ROBO2: variants seen among roughly 807,000 people sequenced by gnomAD.
ROBO2 encodes the protein roundabout guidance receptor 2.
In ROBO2, 53 loss-of-function variants were observed where a neutral mutation model predicts 160.8. The observed-to-expected ratio is 0.33, with a 90% CI of 0.26 to 0.41. The LOEUF (loss-of-function observed/expected upper bound fraction) is 0.41, where lower values mean the gene tolerates loss of function less well. Ranked by LOEUF, ROBO2 falls within the 10% of genes least tolerant of loss-of-function variation. The probability of loss-of-function intolerance (pLI) is 1.00; values close to 1 mark genes in which losing one functional copy is unlikely to be tolerated. For missense variants in ROBO2, 1,577 were observed against 1,722.4 expected (o/e 0.92, Z 1.49); for synonymous variants, 664 against 611.7 (o/e 1.09, Z -1.26).
chr3:76,345,440 T>TC lies in ROBO2; in HGVS notation c.109+407839dup, dbSNP rs2074470781. Among the ~76,000 whole-genome samples the TC allele has an allele frequency of 3.1e-4, 28 of 89,970 alleles. No homozygotes were observed. The South Asian group carries it at 0.014, about 45-fold the overall frequency. The allele number at this position is 89,970 out of a possible 152,430, so 59.0% of individuals were successfully genotyped here. A position where few individuals can be genotyped will look rare whatever the true frequency, so the allele number is the denominator to read the frequency against. On this transcript the variant is annotated intron_variant, in intron 2 of 26. Coordinates refer to the ROBO2 transcript ENST00000487694. ...GGCAGGATATCTTTTTTCTTTTCTT[T>TC]CTTTTTTTTTTTTTTTTTTAAGCAC...
At chr3:76,164,966 T>G (rs573921747) in intron 2 of ROBO2, among the ~76,000 whole-genome samples, 1 of 152,276 alleles carries the variant, frequency 6.6e-6, no homozygotes, top group Non-Finnish European at 1.5e-5. Flanking sequence ...CTGGGCTGTG[T>G]ACTCACGGAG....
chr3:76,508,666 A>G (rs185908945), intron 2 of ROBO2, among the ~76,000 whole-genome samples: 4 of 152,314 alleles, frequency 2.6e-5, no homozygotes, highest in African/African-American at 9.6e-5. Flanking sequence ...TTCTTATGCA[A>G]TAAGTTGCTG....
At chr3:76,545,045 G>A (rs1001314548) in intron 2 of ROBO2, among the ~76,000 whole-genome samples, 9 of 151,846 alleles carry the variant, frequency 5.9e-5, no homozygotes, top group South Asian at 4.1e-4. Context: ...ACAATCAAAC[G>A]AACTGGATTT....
At chr3:77,493,170 CT>C in intron 4 of ROBO2, 73 bp from the exon 5 acceptor site, 3 of 1,538,206 alleles carry the variant, frequency 2.0e-6, no homozygotes, top group Non-Finnish European at 2.7e-6. Flanking sequence ...GTTTCCTTTG[CT>C]TTTTTCATAA....
At chr3:76,085,839 A>G (rs2108059375) in intron 2 of ROBO2, among the ~76,000 whole-genome samples, 1 of 152,210 alleles carries the variant, frequency 6.6e-6, no homozygotes, top group East Asian at 1.9e-4. Flanking sequence ...GGGCCCCCAC[A>G]CTTTTGTGCA....
At chr3:76,038,796 ATG>A (rs111997787) in intron 2 of ROBO2, among the ~76,000 whole-genome samples, 76,624 of 149,518 alleles carry the variant, frequency 0.51, 21,830 homozygotes, top group African/African-American at 0.78. Flanking sequence ...GTGTGTATGT[ATG>A]TGTGTGTGTG....
chr3:77,570,699 C>A (rs2093616501), intron 13 of ROBO2, among the ~76,000 whole-genome samples: 1 of 151,842 alleles, frequency 6.6e-6, no homozygotes, highest in Admixed American at 6.6e-5. Flanking sequence ...TTGTGTAACT[C>A]TTTTATTGAT....
At chr3:75,993,610 C>G (rs116537681) in intron 2 of ROBO2, among the ~76,000 whole-genome samples, 2 of 152,006 alleles carry the variant, frequency 1.3e-5, no homozygotes, top group African/African-American at 4.8e-5. Context: ...TTTTTTAATT[C>G]GCAATTTTAG....
chr3:76,742,697 T>A (rs1198668164), intron 2 of ROBO2, among the ~76,000 whole-genome samples: 2 of 151,830 alleles, frequency 1.3e-5, no homozygotes, highest in African/African-American at 4.8e-5. Context: ...TATTATGCTA[T>A]TTTTTTTCTG....
At chr3:77,336,549 A>T (rs562993852) in intron 2 of ROBO2, among the ~76,000 whole-genome samples, 1 of 149,840 alleles carries the variant, frequency 6.7e-6, no homozygotes, top group East Asian at 2.0e-4. Flanking sequence ...ATGAAGGATG[A>T]TCCTTTCAAT....
intron 2 of ROBO2, among the ~76,000 whole-genome samples, chr3:76,252,657 A>T (rs1012126288): frequency 6.6e-6 from 1 of 151,856 alleles, no homozygotes; most frequent in African/African-American, 2.4e-5. Context: ...GTTGTTGCTA[A>T]TGAGAAGCAT....
intron 2 of ROBO2, among the ~76,000 whole-genome samples, chr3:76,332,135 C>G (rs2073538414): frequency 6.6e-6 from 1 of 152,118 alleles, no homozygotes; most frequent in Non-Finnish European, 1.5e-5. Flanking sequence ...TTGTGAATGG[C>G]AAGGCTAGAA....
chr3:76,593,183 C>T (rs2086525785), intron 2 of ROBO2, among the ~76,000 whole-genome samples: 1 of 152,106 alleles, frequency 6.6e-6, no homozygotes, highest in East Asian at 1.9e-4. Flanking sequence ...GAAGATAGAA[C>T]TGTGTCTGTT....
At chr3:77,164,502 C>T (rs1435479451) in intron 2 of ROBO2, among the ~76,000 whole-genome samples, 6 of 130,964 alleles carry the variant, frequency 4.6e-5, no homozygotes, top group Admixed American at 7.4e-5. Context: ...GTCAGCCCCC[C>T]GCCCGGCCAG....
intron 2 of ROBO2, among the ~76,000 whole-genome samples, chr3:77,211,205 A>T (rs1305210790): frequency 1.3e-5 from 2 of 152,184 alleles, no homozygotes; most frequent in Non-Finnish European, 2.9e-5. Flanking sequence ...AGTCCCACCA[A>T]CAGTGTAAAA....
intron 2 of ROBO2, among the ~76,000 whole-genome samples, chr3:76,612,513 A>T (rs2088208000): frequency 1.3e-5 from 2 of 152,148 alleles, no homozygotes; most frequent in Admixed American, 1.3e-4. Flanking sequence ...GAACACATGG[A>T]CACAGGGAGG....
chr3:77,545,964 G>A (rs927801927), intron 6 of ROBO2, among the ~76,000 whole-genome samples: 16 of 152,088 alleles, frequency 1.1e-4, no homozygotes, highest in African/African-American at 3.9e-4. Flanking sequence ...AGAGGAAGGA[G>A]ATGGTTGAGT....
intron 2 of ROBO2, among the ~76,000 whole-genome samples, chr3:76,475,426 T>C (rs2078882405): frequency 1.3e-5 from 2 of 152,122 alleles, no homozygotes; most frequent in Admixed American, 6.6e-5. Flanking sequence ...TTGGATTTTA[T>C]TCTGAGCGAG....
At chr3:77,268,602 A>C (rs1223020583) in intron 2 of ROBO2, among the ~76,000 whole-genome samples, 1 of 152,166 alleles carries the variant, frequency 6.6e-6, no homozygotes, top group Non-Finnish European at 1.5e-5. Context: ...CTAATCAGTA[A>C]TGTGCACATC....
Sources: gnomAD v4.1 joint callset for allele counts (sites outside exome capture counted in the v4.1 genomes callset) on GRCh38, gnomAD v4.1.1 for gene constraint, MANE v1.5 for transcripts, NCBI Gene and HGNC (gene_info 2026-07-23, HGNC 2026-07-21) for gene names.